LIX1L: variants seen among roughly 807,000 people sequenced by gnomAD.
LIX1L encodes LIX1-like protein.
LIX1L carries 20 observed loss-of-function variants against 34.0 expected under a neutral mutation model. The ratio of observed to expected loss-of-function variants is 0.59; its 90% CI spans 0.41 to 0.85. The LOEUF is 0.85. Ranked by LOEUF, LIX1L falls within the 40% of genes least tolerant of loss-of-function variation. LIX1L has a pLI of 0.00. For missense variants in LIX1L, 397 were observed against 447.0 expected, an observed-to-expected ratio of 0.89 and a Z score of 1.01; for synonymous variants, 170 against 187.4, an observed-to-expected ratio of 0.91 and a Z score of 0.76.
At chr1:145,954,292 A>G (rs587669430) in intron 1 of LIX1L, among the ~76,000 whole-genome samples, 7 of 152,230 alleles carry the variant, frequency 4.6e-5, no homozygotes, top group African/African-American at 1.7e-4. Flanking sequence ...GAACTATGAG[A>G]GAACAAATTT....
At chr1:145,936,614 G>A in intron 5 of LIX1L, 62 bp from the exon 6 acceptor site, 6 of 1,582,920 alleles carry the variant, frequency 3.8e-6, no homozygotes, top group Non-Finnish European at 5.2e-6. Flanking sequence ...ATACCACACT[G>A]ACCCAACTGG....
At chr1:145,954,887 A>C (rs587729933) in intron 1 of LIX1L, among the ~76,000 whole-genome samples, 2 of 152,368 alleles carry the variant, frequency 1.3e-5, no homozygotes, top group African/African-American at 4.8e-5. Flanking sequence ...TACAAAAAGT[A>C]AGCAAGTTAA....
chr1:145,939,249 C>A (rs1422701240), intron 3 of LIX1L, among the ~76,000 whole-genome samples: 1 of 151,482 alleles, frequency 6.6e-6, no homozygotes, highest in Non-Finnish European at 1.5e-5. Context: ...TAGGTGTCCT[C>A]GAGAGATCCT....
At chr1:145,941,450 G>T (rs1386842547) in intron 3 of LIX1L, among the ~76,000 whole-genome samples, 1 of 151,840 alleles carries the variant, frequency 6.6e-6, no homozygotes, top group Admixed American at 6.6e-5. Flanking sequence ...ATGGGGTTTT[G>T]CCATGTTAGC....
At position 145,933,603 on chromosome 1, in the gene LIX1L, C is replaced by G. The variant is rs782568344; in HGVS notation, c.*2707G>C. 1.3e-5 allele frequency: 2 copies of G among 152,064 alleles called. No homozygotes were observed. The highest frequency in any genetic ancestry group is 4.8e-5 in the African/African-American group (2 of 41,404). 9.4% of individuals were successfully genotyped at this position (152,064 alleles called of 1,614,324 possible). On this transcript the variant is annotated 3_prime_UTR_variant, in exon 6 of 6. Coordinates refer to ENST00000604000, the MANE Select transcript of LIX1L (RefSeq NM_153713.3). ...AGAAAAATAATAAATCCAGGAGGTA[C>G]GAGGGCAATTCTTCCCACAACTCAC...
intron 5 of LIX1L, 142 bp from the exon 6 acceptor site, chr1:145,936,694 C>T (rs966061884): frequency 6.1e-6 from 6 of 990,796 alleles, no homozygotes; most frequent in South Asian, 4.7e-5. Context: ...TTCTTAAAGG[C>T]ACTTCCTGCT....
At position 145,938,076 on chromosome 1, in the gene LIX1L, C is replaced by T. The variant is rs145092121; in HGVS notation, c.598-377G>A. On this transcript the variant is annotated intron_variant, in intron 3 of 5. Transcript: ENST00000604000. ...CCTGGGAGGCGGAGATTGCAGAGAT[C>T]GGGCTACTGCACTCCAGCCTGGACA... 1.2e-4 allele frequency among the ~76,000 whole-genome samples: 18 copies of T among 150,820 alleles called. No homozygotes were observed. The East Asian group carries it at 3.3e-3, about 28-fold the overall frequency.
chr1:145,952,736 G>C (rs1302755614), intron 1 of LIX1L, among the ~76,000 whole-genome samples: 2 of 151,714 alleles, frequency 1.3e-5, no homozygotes, highest in Admixed American at 6.6e-5. Flanking sequence ...TCAGCCTCCC[G>C]AGTAGCTGGG....
rs782432645 is a variant in LIX1L at position 145,937,644 on chromosome 1, A to T, written c.653T>A (p.Met218Lys). The T allele has an allele frequency of 6.2e-7, 1 of 1,613,884 alleles. No individual in the cohort carries two copies. Among genetic ancestry groups the T allele is most frequent in the South Asian group, 1.1e-5 (1 of 91,068 alleles). The change falls in exon 4 of 6, where the codon ATG (methionine) becomes AAG (lysine). Residue 218 changes from methionine (M) to lysine (K), a missense_variant. Met to Lys is a moderately conservative substitution (Grantham distance 95, BLOSUM62 -1). Coordinates refer to ENST00000604000, the MANE Select transcript of LIX1L (RefSeq NM_153713.3). ...TGATTTGCCCTTGTTGGATTCCAGC[A>T]TGAATCGGAAGGCACCAATCCCTGT... Reference protein sequence around the residue: ...PNTGIGAFRFMLESNKGKSML... With the variant: ...PNTGIGAFRFKLESNKGKSML...
rs782583541 is a variant in LIX1L, at chr1:145,945,648, T to C, written c.456+1971A>G. Among the ~76,000 whole-genome samples the C allele has an allele frequency of 6.1e-4, 91 of 149,056 alleles. No homozygotes were observed. The Middle Eastern group carries it at 0.011, about 18-fold the overall frequency. On this transcript the variant is annotated intron_variant, in intron 2 of 5. Transcript: ENST00000604000. ...CTGTACTCCCAGCTACTTGGGAGGC[T>C]GAGGCAGGGAGAATCGCTTCAACCC...
intron 3 of LIX1L, among the ~76,000 whole-genome samples, chr1:145,938,631 A>G (rs1252852882): frequency 1.3e-5 from 2 of 150,626 alleles, no homozygotes; most frequent in East Asian, 3.9e-4. Flanking sequence ...TCTGTCGCCC[A>G]GGATGGAGTG....
At chr1:145,938,982 C>CTTT (rs782308276) in intron 3 of LIX1L, among the ~76,000 whole-genome samples, 1 of 136,796 alleles carries the variant, frequency 7.3e-6, no homozygotes, top group Non-Finnish European at 1.6e-5. Context: ...AAATACTGTA[C>CTTT]TTTTTTTTTT....
Position 145,957,985 on chromosome 1 carries a change from C to A in LIX1L, c.-58G>T. ...TGCCAGCCTGCCGAGCTAACGGTCC[C>A]AACCACCCCAGTCAGCTAGCGCCTG... is the stretch of plus-strand genomic sequence containing the variant. On this transcript the variant is annotated 5_prime_UTR_variant, in exon 1 of 6. Coordinates refer to ENST00000604000, the MANE Select transcript of LIX1L (RefSeq NM_153713.3). 1 of 1,238,814 alleles carries A rather than the reference C, an allele frequency of 8.1e-7. No individual in the cohort carries two copies. The highest frequency in any genetic ancestry group is 1.1e-6 in the Non-Finnish European group (1 of 942,744). 76.7% of individuals were successfully genotyped at this position (1,238,814 alleles called of 1,614,324 possible). A position where few individuals can be genotyped will look rare whatever the true frequency, so the allele number is the denominator to read the frequency against.
intron 2 of LIX1L, among the ~76,000 whole-genome samples, chr1:145,943,476 CAA>C (rs1648996404): frequency 6.6e-6 from 1 of 151,948 alleles, no homozygotes; most frequent in Admixed American, 6.6e-5. Context: ...ACAGTGGAAA[CAA>C]AGAGGAGAGG....
At chr1:145,945,149 G>T (rs1649053391) in intron 2 of LIX1L, among the ~76,000 whole-genome samples, 1 of 151,710 alleles carries the variant, frequency 6.6e-6, no homozygotes, top group African/African-American at 2.4e-5. Flanking sequence ...TGGCCAACAT[G>T]GTGAAATAAT....
In LIX1L at chr1:145,957,980, G is replaced by A; in HGVS notation, c.-53C>T. The A allele has an allele frequency of 3.1e-6, 4 of 1,284,942 alleles. No individual in the cohort carries two copies. The highest frequency in any genetic ancestry group is 3.1e-5 in the East Asian group (1 of 32,124). 79.6% of individuals were successfully genotyped at this position (1,284,942 alleles called of 1,614,324 possible). A position where few individuals can be genotyped will look rare whatever the true frequency, so the allele number is the denominator to read the frequency against. On this transcript the variant is annotated 5_prime_UTR_variant, in exon 1 of 6. Transcript: ENST00000604000. ...GAGCCTGCCAGCCTGCCGAGCTAAC[G>A]GTCCCAACCACCCCAGTCAGCTAGC...
At chr1:145,939,852 T>G (rs1553758378) in intron 3 of LIX1L, 1 of 152,698 alleles carries the variant, frequency 6.5e-6, no homozygotes, top group Non-Finnish European at 1.5e-5. Context: ...CTGCCCAGGC[T>G]GGTCTCCAAC....
chr1:145,936,068 CA>C lies in LIX1L; in HGVS notation c.*241del, dbSNP rs1257322664. 2.1e-6 allele frequency: 1 copy of C among 483,552 alleles called. No individual in the cohort carries two copies. Among genetic ancestry groups the C allele is most frequent in the Non-Finnish European group, 3.6e-6 (1 of 274,316 alleles). 30.0% of individuals were successfully genotyped at this position (483,552 alleles called of 1,614,324 possible). ...GGAAGTTTAAGAGCTAACAAAGCTG[CA>C]AAGACAAGCTGCTCTTTGTTGTAAA... On this transcript the variant is annotated 3_prime_UTR_variant, in exon 6 of 6. Coordinates refer to ENST00000604000, the MANE Select transcript of LIX1L (RefSeq NM_153713.3).
intron 2 of LIX1L, chr1:145,947,347 A>C (rs933086722): frequency 6.4e-5 from 24 of 374,386 alleles, no homozygotes; most frequent in Admixed American, 2.3e-4. Context: ...AGATTGGAAC[A>C]TGGGTTGGAT....
Sources: gnomAD v4.1 joint callset for allele counts (sites outside exome capture counted in the v4.1 genomes callset) on GRCh38, gnomAD v4.1.1 for gene constraint, MANE v1.5 for transcripts, NCBI Gene and HGNC (gene_info 2026-07-23, HGNC 2026-07-21) for gene names.